Variants in CLCNKA observed in about 807,000 individuals in gnomAD.
CLCNKA encodes the protein chloride voltage-gated channel Ka, also known as chloride channel protein ClC-Ka.
In CLCNKA, 66 loss-of-function variants were observed where a neutral mutation model predicts 83.3. That is an observed-to-expected ratio of 0.79 (90% CI 0.65 to 0.97). The LOEUF is 0.97. CLCNKA is among the 50% of genes least tolerant of loss of function. The pLI is 0.00. For missense variants in CLCNKA, 806 were observed against 888.7 expected, an observed-to-expected ratio of 0.91 and a Z score of 1.18; for synonymous variants, 357 against 370.4, an observed-to-expected ratio of 0.96 and a Z score of 0.42.
At position 16,022,686 on chromosome 1, in the gene CLCNKA, G is replaced by A. The variant is rs755370799; in HGVS notation, c.67G>A (p.Gly23Ser). 3 of 1,555,516 alleles carry A rather than the reference G, an allele frequency of 1.9e-6. No individual in the cohort carries two copies. In the East Asian group the frequency reaches 7.1e-5, roughly 37 times the overall value. Residue 23 changes from glycine to serine, a missense_variant, in exon 2 of 20, where the codon GGC becomes AGC. Gly to Ser is a moderately conservative substitution (Grantham distance 56, BLOSUM62 0). Transcript: ENST00000331433. ...CCCTGTGACTCTGCAGGAGCTGTGG[G>A]GCCCCTGTCCCCACATCCGCCGAGC... is the stretch of plus-strand genomic sequence containing the variant. The part of the protein sequence containing the change: ...GDPVTLQELW[G>S]PCPHIRRAIQ...
chr1:16,028,999 C>T, intron 11 of CLCNKA, 127 bp from the exon 12 acceptor site: 4 of 1,521,290 alleles, frequency 2.6e-6, no homozygotes, highest in Non-Finnish European at 3.6e-6. Context: ...GGTCAGAGCC[C>T]TGCCCAAGGC....
In CLCNKA at chr1:16,029,980, G is replaced by A. The variant is rs767511689; in HGVS notation, c.1313G>A (p.Arg438His). Residue 438 changes from arginine to histidine, a missense_variant, in exon 14 of 20, where the codon CGC becomes CAC. Physicochemically the swap from Arg to His is conservative, Grantham distance 29. Coordinates refer to ENST00000331433, the MANE Select transcript of CLCNKA (RefSeq NM_004070.4). ...CTGTGGCCAGGAGCTGCCATCGGGC[G>A]CCTCTTGGGAGAGGCTCTTGCCGTC... is the stretch of plus-strand genomic sequence containing the variant. ...PIFILGAAIG[R>H]LLGEALAVAF... 15 of 1,611,606 alleles carry A rather than the reference G, an allele frequency of 9.3e-6. No individual in the cohort carries two copies. The highest frequency in any genetic ancestry group is 1.7e-4 in the Middle Eastern group (1 of 6,050).
intron 8 of CLCNKA, 44 bp downstream of exon 8, chr1:16,027,479 G>T (rs2022415567): frequency 1.2e-6 from 2 of 1,609,238 alleles, no homozygotes; most frequent in Non-Finnish European, 1.7e-6. Context: ...CCTGGGGGCC[G>T]GGGCGAGGGA....
At position 16,028,088 on chromosome 1, in the gene CLCNKA, A is replaced by C; in HGVS notation, c.937A>C (p.Asn313His). The C allele has an allele frequency of 6.4e-7, 1 of 1,573,604 alleles. No individual in the cohort carries two copies. Residue 313 changes from asparagine to histidine, a missense_variant, in exon 10 of 20, where the codon AAT (asparagine) becomes CAT (histidine). By Grantham distance (68) the Asn-to-His change is moderately conservative. Coordinates refer to ENST00000331433, the MANE Select transcript of CLCNKA (RefSeq NM_004070.4). ...QRTFLSFIKT[N>H]RYSSKLLATS... is the part of the protein sequence containing the mutation. Reference sequence around the variant, plus strand: ...AACCTTCCTCAGCTTCATCAAGACCAATCGGTACAGCTCCAAACTGCTGGC... The same window carrying C: ...AACCTTCCTCAGCTTCATCAAGACCCATCGGTACAGCTCCAAACTGCTGGC...
chr1:16,023,041 G>A (rs1210361982), intron 2 of CLCNKA, among the ~76,000 whole-genome samples: 3 of 152,248 alleles, frequency 2.0e-5, no homozygotes, highest in South Asian at 4.1e-4. Flanking sequence ...GGACAGCTGG[G>A]GGCACAGCAA....
chr1:16,029,014 C>T (rs1039274606), intron 11 of CLCNKA, 112 bp from the exon 12 acceptor site: 21 of 1,534,882 alleles, frequency 1.4e-5, no homozygotes, highest in Middle Eastern at 1.7e-4. Flanking sequence ...CAAGGCCCCC[C>T]GCTGGGAAGT....
chr1:16,025,992 G>A (rs1411917878), intron 4 of CLCNKA, 116 bp from the exon 5 acceptor site: 13 of 1,387,032 alleles, frequency 9.4e-6, no homozygotes, highest in African/African-American at 5.6e-5. Context: ...CTGACCTCGC[G>A]ATCCGCCTGC....
At chr1:16,024,606 G>A (rs537336201) in intron 3 of CLCNKA, among the ~76,000 whole-genome samples, 157 bp from the exon 4 acceptor site, 8 of 152,242 alleles carry the variant, frequency 5.3e-5, no homozygotes, top group African/African-American at 1.2e-4. Flanking sequence ...ACCCAGGGTC[G>A]TACTCCTGCC....
At chr1:16,031,563 G>A (rs547214578) in intron 15 of CLCNKA, 147 bp from the exon 16 acceptor site, 8 of 1,136,640 alleles carry the variant, frequency 7.0e-6, no homozygotes, top group Non-Finnish European at 1.0e-5. Flanking sequence ...GGTTCTAGGA[G>A]TCCCTCATTC....
At chr1:16,026,660 G>C in intron 6 of CLCNKA, 37 bp from the exon 7 acceptor site, 2 of 1,613,632 alleles carry the variant, frequency 1.2e-6, no homozygotes, top group South Asian at 2.2e-5. Context: ...TGGGGAGGGA[G>C]GGGGCTGACT....
chr1:16,024,905 C>T lies in CLCNKA; in HGVS notation c.358+14C>T, dbSNP rs371787840. 140 of 1,613,964 alleles carry T rather than the reference C, an allele frequency of 8.7e-5. No homozygotes were observed. Among genetic ancestry groups the T allele is most frequent in the Middle Eastern group, 1.7e-4 (1 of 6,058 alleles). On this transcript the variant is annotated intron_variant, in intron 4 of 19. Coordinates refer to ENST00000331433, the MANE Select transcript of CLCNKA (RefSeq NM_004070.4). ...CCTCCTCTGGAGGTGAGTCCACGGTCGCCATGCCAGTCCCCAGTGCCAAAA... is the reference window on the plus strand; with the variant it reads ...CCTCCTCTGGAGGTGAGTCCACGGTTGCCATGCCAGTCCCCAGTGCCAAAA...
rs756731091 is a variant in CLCNKA at position 16,027,390 on chromosome 1, G to C, written c.736G>C (p.Gly246Arg). Residue 246 changes from glycine (G) to arginine (R), a missense_variant, in exon 8 of 20, where the codon GGG becomes CGG. By Grantham distance (125) the Gly-to-Arg change is moderately radical. Transcript: ENST00000331433. ...GAGGGGCTTCTTTGCGGCCACCTGC[G>C]GGGCCTTCATATTCCGGCTCCTGGC... Reference protein sequence around the residue: ...YWRGFFAATCGAFIFRLLAVF... With the variant: ...YWRGFFAATCRAFIFRLLAVF... 3.1e-6 allele frequency: 5 copies of C among 1,613,926 alleles called. No homozygotes were observed. Among genetic ancestry groups the C allele is most frequent in the Admixed American group, 3.3e-5 (2 of 60,000 alleles).
At chr1:16,023,116 A>G (rs1318488312) in intron 2 of CLCNKA, among the ~76,000 whole-genome samples, 2 of 152,148 alleles carry the variant, frequency 1.3e-5, no homozygotes, top group African/African-American at 4.8e-5. Context: ...TCACTTTGAG[A>G]CCTGACTGTC....
At chr1:16,022,478 C>T (rs1359202723) in intron 1 of CLCNKA, 135 bp from the exon 2 acceptor site, 1 of 626,694 alleles carries the variant, frequency 1.6e-6, no homozygotes, top group Non-Finnish European at 2.8e-6. Flanking sequence ...CACACACAGA[C>T]CTAGTGTGAT....
At position 16,029,933 on chromosome 1, in the gene CLCNKA, C is replaced by G. The variant is rs375159147; in HGVS notation, c.1298-32C>G. ...GGAGGGCTGTGGGGGCCGGGTCAGCCTGGCTCCCCCTCACCCTAAGTCTGT... is the reference window on the plus strand; with the variant it reads ...GGAGGGCTGTGGGGGCCGGGTCAGCGTGGCTCCCCCTCACCCTAAGTCTGT... On this transcript the variant is annotated intron_variant, in intron 13 of 19. Transcript: ENST00000331433. The G allele has an allele frequency of 1.9e-6, 3 of 1,601,782 alleles. No individual in the cohort carries two copies. In the African/African-American group the frequency reaches 4.0e-5, roughly 21 times the overall value.
At chr1:16,026,639 A>G in intron 6 of CLCNKA, 26 bp downstream of exon 6, 1 of 1,613,702 alleles carries the variant, frequency 6.2e-7, no homozygotes, top group South Asian at 1.1e-5. Context: ...GCTTCCTTGG[A>G]GAAATGGGAG....
intron 4 of CLCNKA, 67 bp from the exon 5 acceptor site, chr1:16,026,041 A>G (rs2022330894): frequency 6.2e-7 from 1 of 1,605,880 alleles, no homozygotes. Flanking sequence ...GGCGTGAGCC[A>G]CTGCGCCTGG....
At position 16,023,793 on chromosome 1, in the gene CLCNKA, G is replaced by C; in HGVS notation, c.101-7G>C. ...ACATAAGCTGGGACTCCGATACCCT[G>C]CCCCAGGTGGCCTGGAGTGGCTAAA... On this transcript the variant is annotated splice_polypyrimidine_tract_variant and splice_region_variant and intron_variant, in intron 2 of 19. Coordinates refer to ENST00000331433, the MANE Select transcript of CLCNKA (RefSeq NM_004070.4). 6.2e-7 allele frequency: 1 copy of C among 1,613,956 alleles called. No individual in the cohort carries two copies. Among genetic ancestry groups the C allele is most frequent in the Non-Finnish European group, 8.5e-7 (1 of 1,179,876 alleles).
At position 16,022,218 on chromosome 1, in the gene CLCNKA, G is replaced by A. The variant is rs1440425684; in HGVS notation, c.-8+155G>A. On this transcript the variant is annotated intron_variant, in intron 1 of 19. Transcript: ENST00000331433. ...TCCTGCCTCTGTGACCTGAGCTGTC[G>A]GGGAGAAAGGAGGGTGCTCCGAGAT... Among the ~76,000 whole-genome samples, 4 of 152,244 alleles carry A rather than the reference G, an allele frequency of 2.6e-5. 1 individual carries two copies. The highest frequency in any genetic ancestry group is 6.8e-3 in the Middle Eastern group (2 of 294).
Sources: allele counts gnomAD v4.1 joint callset (sites outside exome capture counted in the v4.1 genomes callset), GRCh38; gene constraint gnomAD v4.1.1; transcripts MANE v1.5; gene names NCBI Gene and HGNC (gene_info 2026-07-23, HGNC 2026-07-21).